The following HTT variants were observed in gnomAD, a reference collection of about 807,000 sequenced individuals.
HTT encodes huntingtin, also known as huntington disease protein.
In HTT, 104 loss-of-function variants were observed where a neutral mutation model predicts 362.3. The observed-to-expected ratio is 0.29, with a 90% CI of 0.24 to 0.34. The LOEUF (loss-of-function observed/expected upper bound fraction) is 0.34, where lower values mean the gene tolerates loss of function less well. Ranked by LOEUF, HTT falls within the 10% of genes least tolerant of loss-of-function variation. The pLI is 1.00. For synonymous variants in HTT, 1,577 were observed against 1,548.7 expected, an observed-to-expected ratio of 1.02 and a Z score of -0.43; for missense variants, 3,301 against 3,928.6, an observed-to-expected ratio of 0.84 and a Z score of 4.27.
chr4:3,172,852 A>G lies in HTT; in HGVS notation c.3943-56A>G. 2 of 1,170,632 alleles carry G rather than the reference A, an allele frequency of 1.7e-6. 1 individual carries two copies. The highest frequency in any genetic ancestry group is 2.4e-5 in the South Asian group (2 of 81,918). 72.5% of individuals were successfully genotyped at this position (1,170,632 alleles called of 1,614,324 possible). A position where few individuals can be genotyped will look rare whatever the true frequency, so the allele number is the denominator to read the frequency against. ...GATGGATTTGATATTTGTGTGGGAG[A>G]TTCTTAAAAGTGTTGTTCACGCCAC... On this transcript the variant is annotated intron_variant, in intron 30 of 66. Coordinates refer to ENST00000355072, the MANE Select transcript of HTT (RefSeq NM_001388492.1).
At chr4:3,230,580 C>T (rs1292157722) in intron 60 of HTT, among the ~76,000 whole-genome samples, 1 of 152,132 alleles carries the variant, frequency 6.6e-6, no homozygotes, top group Non-Finnish European at 1.5e-5. Context: ...TTGGCTGCTA[C>T]CACAAGTTAC....
chr4:3,074,681 GC>G lies in HTT; in HGVS notation c.-144del. 3.8e-6 allele frequency: 3 copies of G among 787,358 alleles called. No homozygotes were observed. The highest frequency in any genetic ancestry group is 6.3e-5 in the South Asian group (2 of 31,848). 48.8% of individuals were successfully genotyped at this position (787,358 alleles called of 1,614,324 possible). A position where few individuals can be genotyped will look rare whatever the true frequency, so the allele number is the denominator to read the frequency against. On this transcript the variant is annotated 5_prime_UTR_variant, in exon 1 of 67. Transcript: ENST00000355072. ...GTCTGGGACGCAAGGCGCCGTGGGGGCTGCCGGGACGGGTCCAAGATGGACG... is the reference window on the plus strand; with the variant it reads ...GTCTGGGACGCAAGGCGCCGTGGGGGTGCCGGGACGGGTCCAAGATGGACG...
intron 23 of HTT, among the ~76,000 whole-genome samples, chr4:3,143,858 C>G (rs1315488372): frequency 1.3e-5 from 2 of 152,100 alleles, no homozygotes; most frequent in Non-Finnish European, 2.9e-5. Context: ...CCTCCTCGAC[C>G]CCCCAAAGTG....
At chr4:3,131,431 A>G (rs1004985295) in intron 15 of HTT, 34 bp downstream of exon 15, 6 of 1,554,296 alleles carry the variant, frequency 3.9e-6, no homozygotes, top group Non-Finnish European at 5.3e-6. Context: ...CAGTTGAAGG[A>G]AATAACTAGG....
chr4:3,123,662 C>T (rs1304778599), intron 10 of HTT, among the ~76,000 whole-genome samples: 4 of 152,094 alleles, frequency 2.6e-5, no homozygotes, highest in Non-Finnish European at 5.9e-5. Context: ...TGCACTCCAG[C>T]CTAGGCAACA....
rs201699939 is a variant in HTT at position 3,235,686 on chromosome 4, C to T, written c.8693C>T (p.Ser2898Leu). The stretch of plus-strand genomic sequence containing the variant: ...CAGCTCTCCCGCCTGGATGCAGAAT[C>T]GCTGGTCAAGCTGAGTGTGGACAGA... ...SEQLSRLDAESLVKLSVDRVN... is the reference protein window; with the variant it reads ...SEQLSRLDAELLVKLSVDRVN... The change falls in exon 63 of 67, where the codon TCG becomes TTG. Residue 2898 changes from serine (S) to leucine (L), a missense_variant. Ser to Leu is a moderately radical substitution (Grantham distance 145). Around this residue, in one of 4 missense-constraint regions of HTT, gnomAD observed 753 missense variants for 1,021.3 expected, o/e 0.74. Coordinates refer to ENST00000355072, the MANE Select transcript of HTT (RefSeq NM_001388492.1). 2.2e-5 allele frequency: 35 copies of T among 1,613,574 alleles called. No individual in the cohort carries two copies. In the Middle Eastern group the frequency reaches 1.5e-3, roughly 68 times the overall value.
At chr4:3,102,539 G>A (rs1195275382) in intron 3 of HTT, among the ~76,000 whole-genome samples, 1 of 152,210 alleles carries the variant, frequency 6.6e-6, no homozygotes, top group Non-Finnish European at 1.5e-5. Context: ...TTTCTGAGAT[G>A]TTTTTACTCC....
At position 3,215,133 on chromosome 4, in the gene HTT, C is replaced by T. The variant is rs368077431; in HGVS notation, c.6976C>T (p.Leu2326Phe). The change falls in exon 51 of 67, where the codon CTT becomes TTT. Residue 2326 changes from leucine to phenylalanine, a missense_variant. Coordinates refer to ENST00000355072, the MANE Select transcript of HTT (RefSeq NM_001388492.1). ...EAVAVQPGEQ[L>F]LSPERRTNTP... The stretch of plus-strand genomic sequence containing the variant: ...AGTTGCAGTGCAGCCTGGAGAGCAG[C>T]TTCTTAGTCCAGAAAGAAGGACAAA... 10 of 1,613,914 alleles carry T rather than the reference C, an allele frequency of 6.2e-6. No homozygotes were observed. In the Admixed American group the frequency reaches 1.2e-4, roughly 19 times the overall value.
chr4:3,078,564 A>G (rs879458387), intron 1 of HTT, among the ~76,000 whole-genome samples: 4 of 151,886 alleles, frequency 2.6e-5, no homozygotes, highest in African/African-American at 4.8e-5. Context: ...TTTTTATTTT[A>G]TTTTGTTTTG....
Position 3,235,292 on chromosome 4 carries a change from A to T in HTT, c.8465A>T (p.Asn2822Ile). 6.2e-7 allele frequency: 1 copy of T among 1,612,260 alleles called. No individual in the cohort carries two copies. Among genetic ancestry groups the T allele is most frequent in the Non-Finnish European group, 8.5e-7 (1 of 1,178,480 alleles). The change falls in exon 62 of 67, where the codon AAC (asparagine) becomes ATC (isoleucine). Residue 2822 changes from asparagine to isoleucine, a missense_variant. Coordinates refer to ENST00000355072, the MANE Select transcript of HTT (RefSeq NM_001388492.1). ...SNLKGIAHCV[N>I]IHSQQHVLVM... Reference sequence around the variant, plus strand: ...CTGTCTCCCGTTTTCAGCTGCGTGAACATTCACAGCCAGCAGCACGTACTG... The same window carrying T: ...CTGTCTCCCGTTTTCAGCTGCGTGATCATTCACAGCCAGCAGCACGTACTG...
chr4:3,074,867 C>G lies in HTT; in HGVS notation c.42C>G (p.Leu14=), dbSNP rs1327492554. 1.4e-6 allele frequency: 2 copies of G among 1,458,356 alleles called. No individual in the cohort carries two copies. Among genetic ancestry groups the G allele is most frequent in the Admixed American group, 4.4e-5 (2 of 45,306 alleles). The allele number at this position is 1,458,356 out of a possible 1,614,324, so 90.3% of individuals were successfully genotyped here. A position where few individuals can be genotyped will look rare whatever the true frequency, so the allele number is the denominator to read the frequency against. ...AGCTGATGAAGGCCTTCGAGTCCCTCAAGTCCTTCCAGCAGCAGCAGCAGC... is the reference window on the plus strand; with the variant it reads ...AGCTGATGAAGGCCTTCGAGTCCCTGAAGTCCTTCCAGCAGCAGCAGCAGC... The part of the protein sequence containing the change: ...LEKLMKAFES[L]KSFQQQQQQQ... The change falls in exon 1 of 67, where the codon CTC becomes CTG. Residue 14 remains leucine (L), a synonymous_variant. Coordinates refer to ENST00000355072, the MANE Select transcript of HTT (RefSeq NM_001388492.1).
Position 3,191,442 on chromosome 4 carries a change from G to A in HTT, c.5368+2349G>A, listed in dbSNP as rs923401506. ...CCGCCTCGGCCTCCCAAAGTGCTGG[G>A]ATTACAGGTGTGAGCCACCGCACCC... On this transcript the variant is annotated intron_variant, in intron 40 of 66. Coordinates refer to ENST00000355072, the MANE Select transcript of HTT (RefSeq NM_001388492.1). Among the ~76,000 whole-genome samples the A allele has an allele frequency of 3.3e-5, 5 of 152,252 alleles. No individual in the cohort carries two copies. In the East Asian group the frequency reaches 9.6e-4, roughly 29 times the overall value.
intron 5 of HTT, among the ~76,000 whole-genome samples, chr4:3,105,910 C>G (rs189342723): frequency 2.1e-4 from 32 of 152,308 alleles, no homozygotes; most frequent in Admixed American, 3.9e-4. Flanking sequence ...ACAGTTGTAT[C>G]TTAACGGATT....
chr4:3,149,306 T>C (rs1189532730), intron 26 of HTT, among the ~76,000 whole-genome samples: 1 of 151,544 alleles, frequency 6.6e-6, no homozygotes. Flanking sequence ...TTTTTTTTTT[T>C]TTTTTTTTGA....
intron 41 of HTT, among the ~76,000 whole-genome samples, chr4:3,202,703 C>T (rs915428170): frequency 2.0e-5 from 3 of 152,148 alleles, no homozygotes; most frequent in African/African-American, 7.2e-5. Context: ...CAGCCCATTG[C>T]AGAAGGCCAT....
chr4:3,239,031 G>A, intron 66 of HTT, 53 bp downstream of exon 66: 1 of 1,525,288 alleles, frequency 6.6e-7, no homozygotes, highest in Non-Finnish European at 8.8e-7. Flanking sequence ...CAACACCGAG[G>A]CTCATGTTTC....
intron 40 of HTT, among the ~76,000 whole-genome samples, chr4:3,190,461 G>C (rs1718964586): frequency 6.6e-6 from 1 of 151,972 alleles, no homozygotes; most frequent in Admixed American, 6.6e-5. Context: ...TGAAGGTTGG[G>C]CATGGTAGCT....
At chr4:3,126,601 A>G (rs1715530542) in intron 11 of HTT, among the ~76,000 whole-genome samples, 1 of 152,246 alleles carries the variant, frequency 6.6e-6, no homozygotes, top group Non-Finnish European at 1.5e-5. Context: ...TTAAACAACA[A>G]TAAAACATCA....
In HTT at chr4:3,239,910, G is replaced by T; in HGVS notation, c.9280G>T (p.Val3094Phe). The change falls in exon 67 of 67, where the codon GTC becomes TTC. Residue 3094 changes from valine to phenylalanine, a missense_variant. Val to Phe is a conservative substitution (Grantham distance 50, BLOSUM62 -1). Transcript: ENST00000355072. ...GGTGGACGTGAACCTTTTCTGCCTG[G>T]TCGCCACAGACTTCTACAGACACCA... The part of the protein sequence containing the change: ...EQVDVNLFCL[V>F]ATDFYRHQIE... 13 of 1,575,206 alleles carry T rather than the reference G, an allele frequency of 8.3e-6. No homozygotes were observed. The highest frequency in any genetic ancestry group is 1.1e-5 in the Non-Finnish European group (13 of 1,159,292).
Sources: allele counts gnomAD v4.1 joint callset (sites outside exome capture counted in the v4.1 genomes callset), GRCh38; gene constraint gnomAD v4.1.1; regional missense constraint gnomAD v4.1.1; transcripts MANE v1.5; gene names NCBI Gene and HGNC (gene_info 2026-07-23, HGNC 2026-07-21).